POLQ: variants seen among roughly 807,000 people sequenced by gnomAD.
POLQ encodes the protein DNA polymerase theta.
POLQ carries 233 observed loss-of-function variants against 259.2 expected under a neutral mutation model. The ratio of observed to expected loss-of-function variants is 0.90; its 90% confidence interval spans 0.81 to 1.00. The LOEUF is 1.00. Among genes scored for constraint, POLQ ranks in the 50% least tolerant of loss-of-function variants. The pLI is 0.00. For missense variants in POLQ, 2,871 were observed against 3,051.6 expected, an observed-to-expected ratio of 0.94 and a Z score of 1.39; for synonymous variants, 1,025 against 1,048.8, an observed-to-expected ratio of 0.98 and a Z score of 0.44.
intron 14 of POLQ, 73 bp downstream of exon 14, chr3:121,496,735 G>T: frequency 7.0e-7 from 1 of 1,438,624 alleles, no homozygotes. Context: ...AATGGAATTT[G>T]AAAAAAAAAG....
At chr3:121,527,405 T>C (rs1366748614) in intron 7 of POLQ, among the ~76,000 whole-genome samples, 4 of 152,140 alleles carry the variant, frequency 2.6e-5, no homozygotes, top group South Asian at 2.1e-4. Flanking sequence ...CTATGTTGCC[T>C]ATGCTGGTCT....
intron 15 of POLQ, 99 bp downstream of exon 15, chr3:121,493,379 T>G: frequency 1.1e-6 from 1 of 879,724 alleles, no homozygotes. Context: ...ATAATAAGAT[T>G]ATTTAAGAGA....
intron 25 of POLQ, among the ~76,000 whole-genome samples, chr3:121,459,387 T>TTG (rs1560089441): frequency 6.9e-5 from 10 of 145,482 alleles, no homozygotes; most frequent in East Asian, 2.0e-4. Flanking sequence ...TTTTTTTTTT[T>TTG]TTTTTGTTTT....
intron 6 of POLQ, among the ~76,000 whole-genome samples, chr3:121,531,156 C>T (rs571282428): frequency 1.3e-5 from 2 of 152,240 alleles, no homozygotes; most frequent in East Asian, 1.9e-4. Context: ...CATTGCACTC[C>T]AGCCTGGGCA....
In POLQ at chr3:121,439,254, AGGGT is replaced by A. The variant is rs1338382900; in HGVS notation, c.7389+734_7389+737del. 1.4e-3 allele frequency among the ~76,000 whole-genome samples: 213 copies of A among 149,600 alleles called. 1 individual carries two copies. The highest frequency in any genetic ancestry group is 0.014 in the Middle Eastern group (4 of 288). ...TTTTTTTTTTTTTTTAATTAAACATAGGGTCTCATTCTGCCACCTAGGCTGGAAT... is the reference window on the plus strand; with the variant it reads ...TTTTTTTTTTTTTTTAATTAAACATACTCATTCTGCCACCTAGGCTGGAAT... On this transcript the variant is annotated intron_variant, in intron 27 of 29. Transcript: ENST00000264233.
At chr3:121,445,326 A>T (rs2047623818) in intron 26 of POLQ, among the ~76,000 whole-genome samples, 1 of 152,044 alleles carries the variant, frequency 6.6e-6, no homozygotes, top group African/African-American at 2.4e-5. Flanking sequence ...TAGACTGTTC[A>T]GGTTTTAGAT....
intron 25 of POLQ, among the ~76,000 whole-genome samples, chr3:121,456,853 T>A (rs1303442674): frequency 6.6e-6 from 1 of 152,328 alleles, no homozygotes; most frequent in Middle Eastern, 3.4e-3. Context: ...AAACTACCAA[T>A]GACTTTCTTC....
rs997403892 is a variant in POLQ at position 121,488,369 on chromosome 3, T to C, written c.4562A>G (p.His1521Arg). The C allele has an allele frequency of 1.2e-6, 2 of 1,612,568 alleles. No homozygotes were observed. Among genetic ancestry groups the C allele is most frequent in the African/African-American group, 2.7e-5 (2 of 74,912 alleles). Residue 1521 changes from histidine to arginine, a missense_variant, in exon 16 of 30, where the codon CAT becomes CGT. His to Arg is a conservative substitution (Grantham distance 29). Coordinates refer to ENST00000264233, the MANE Select transcript of POLQ (RefSeq NM_199420.4). ...TTGTAGACACAGAGAATCACTAAAATGGTTTGATGTTACTTCTGAAGGAAG... is the reference window on the plus strand; with the variant it reads ...TTGTAGACACAGAGAATCACTAAAACGGTTTGATGTTACTTCTGAAGGAAG... Reference protein sequence around the residue: ...EPLPSEVTSNHFSDSLCLQED... With the variant: ...EPLPSEVTSNRFSDSLCLQED...
At chr3:121,538,505 A>C (rs1280598516) in intron 4 of POLQ, among the ~76,000 whole-genome samples, 2 of 150,860 alleles carry the variant, frequency 1.3e-5, no homozygotes, top group African/African-American at 2.4e-5. Context: ...ATGACACATG[A>C]TGTTCTTTTT....
rs1462559824 is a variant in POLQ, at chr3:121,498,571, C to A, written c.2059G>T (p.Val687Leu). The A allele has an allele frequency of 3.7e-6, 6 of 1,614,130 alleles. No individual in the cohort carries two copies. The highest frequency in any genetic ancestry group is 4.2e-6 in the Non-Finnish European group (5 of 1,179,970). Reference protein sequence around the residue: ...PTSMKRVAELVGVEEGFLARC... With the variant: ...PTSMKRVAELLGVEEGFLARC... ...GCCAAGAACCCCTCTTCAACTCCCA[C>A]TAGCTCTGCCACCCTTTTCATTGAA... Residue 687 changes from valine to leucine, a missense_variant, in exon 13 of 30, where the codon GTG (valine) becomes TTG (leucine). Coordinates refer to ENST00000264233, the MANE Select transcript of POLQ (RefSeq NM_199420.4).
Position 121,490,325 on chromosome 3 carries a change from C to T in POLQ, c.2606G>A (p.Gly869Asp), listed in dbSNP as rs2048056965. ...MRTIWVTGRK[G>D]LTEREAAALI... ...GGCTGCTGCTTCCCTTTCAGTTAAA[C>T]CTTTTCTGCCAGTCACCCAGATAGT... Residue 869 changes from glycine to aspartate, a missense_variant, in exon 16 of 30, where the codon GGT becomes GAT. This residue lies in a region of POLQ where 2,080 missense variants were observed against 2,126.0 expected (regional missense o/e 0.98). Coordinates refer to ENST00000264233, the MANE Select transcript of POLQ (RefSeq NM_199420.4). 3 of 1,614,240 alleles carry T rather than the reference C, an allele frequency of 1.9e-6. No individual in the cohort carries two copies. In the East Asian group the frequency reaches 6.7e-5, roughly 36 times the overall value.
At chr3:121,535,866 T>C (rs1429873001) in intron 5 of POLQ, among the ~76,000 whole-genome samples, 3 of 151,992 alleles carry the variant, frequency 2.0e-5, no homozygotes, top group Non-Finnish European at 4.4e-5. Flanking sequence ...GACAGACATA[T>C]GGTCAAAAAA....
At chr3:121,432,869 TAC>T in intron 29 of POLQ, 47 bp downstream of exon 29, 1 of 1,070,164 alleles carries the variant, frequency 9.3e-7, no homozygotes, top group African/African-American at 1.6e-5. Context: ...GGCCTGACAA[TAC>T]AGTGTCTTGT....
chr3:121,502,560 G>C (rs1029253342), intron 12 of POLQ, among the ~76,000 whole-genome samples: 2 of 152,084 alleles, frequency 1.3e-5, no homozygotes, highest in African/African-American at 4.8e-5. Flanking sequence ...CAATATATTT[G>C]ACAGTATCAG....
chr3:121,488,413 A>G lies in POLQ; in HGVS notation c.4518T>C (p.Asp1506=). 6.2e-7 allele frequency: 1 copy of G among 1,613,024 alleles called. No individual in the cohort carries two copies. The highest frequency in any genetic ancestry group is 8.5e-7 in the Non-Finnish European group (1 of 1,179,166). ...DDYLVKEQLP[D]MQMKEPLPSE... Reference sequence around the variant, plus strand: ...AAGGAAGGGGTTCTTTCATTTGCATATCAGGTAATTGTTCTTTTACTAGAT... The same window carrying G: ...AAGGAAGGGGTTCTTTCATTTGCATGTCAGGTAATTGTTCTTTTACTAGAT... Residue 1506 remains aspartate (D), a synonymous_variant, in exon 16 of 30, where the codon GAT becomes GAC. Transcript: ENST00000264233.
In POLQ at chr3:121,468,568, T is replaced by C. The variant is rs1418178436; in HGVS notation, c.6719-137A>G. 5.1e-6 allele frequency: 3 copies of C among 584,744 alleles called. No homozygotes were observed. The East Asian group carries it at 8.7e-5, about 17-fold the overall frequency. The allele number at this position is 584,744 out of a possible 1,614,324, so 36.2% of individuals were successfully genotyped here. A position where few individuals can be genotyped will look rare whatever the true frequency, so the allele number is the denominator to read the frequency against. On this transcript the variant is annotated intron_variant, in intron 22 of 29. Coordinates refer to ENST00000264233, the MANE Select transcript of POLQ (RefSeq NM_199420.4). ...TGAAATACATTTATATTTAAATATTTTTCATCATGTTCATGTGTCTAACAA... is the reference window on the plus strand; with the variant it reads ...TGAAATACATTTATATTTAAATATTCTTCATCATGTTCATGTGTCTAACAA...
intron 9 of POLQ, among the ~76,000 whole-genome samples, chr3:121,516,214 C>T (rs1232813193): frequency 6.6e-6 from 1 of 152,058 alleles, no homozygotes; most frequent in East Asian, 1.9e-4. Context: ...GCATTGTATA[C>T]AGATAGCATC....
chr3:121,458,547 T>C (rs892002417), intron 25 of POLQ, among the ~76,000 whole-genome samples: 25 of 152,176 alleles, frequency 1.6e-4, no homozygotes, highest in Admixed American at 1.6e-3. Context: ...GTGATAGTAA[T>C]AATAATAGCT....
At chr3:121,452,761 C>G (rs527322189) in intron 25 of POLQ, among the ~76,000 whole-genome samples, 106 of 152,336 alleles carry the variant, frequency 7.0e-4, no homozygotes, top group Middle Eastern at 3.4e-3. Flanking sequence ...GAGCCCACCA[C>G]AGCTCAAGGA....
Sources: allele counts gnomAD v4.1 joint callset (sites outside exome capture counted in the v4.1 genomes callset), GRCh38; gene constraint gnomAD v4.1.1; regional missense constraint gnomAD v4.1.1; transcripts MANE v1.5; gene names NCBI Gene and HGNC (gene_info 2026-07-23, HGNC 2026-07-21).